The following CNTNAP4 variants were observed in gnomAD, a reference collection of about 807,000 sequenced individuals.
CNTNAP4 encodes contactin-associated protein-like 4.
CNTNAP4 carries 98 observed loss-of-function variants against 148.4 expected under a neutral mutation model. That is an observed-to-expected ratio of 0.66 (90% confidence interval 0.56 to 0.78). The LOEUF is 0.78. CNTNAP4 is among the 30% of genes least tolerant of loss of function. The pLI, the probability that CNTNAP4 is intolerant of heterozygous loss-of-function variation, is 0.00. For missense variants in CNTNAP4, 1,935 were observed against 1,565.6 expected (o/e 1.24, Z -3.98); for synonymous variants, 730 against 565.1 (o/e 1.29, Z -4.14).
chr16:76,417,100 C>G (rs2079014452), intron 3 of CNTNAP4, among the ~76,000 whole-genome samples: 1 of 151,336 alleles, frequency 6.6e-6, no homozygotes, highest in Non-Finnish European at 1.5e-5. Context: ...GTACGTTAGT[C>G]TATATTTAAT....
At chr16:76,320,807 C>A (rs374988108) in intron 2 of CNTNAP4, among the ~76,000 whole-genome samples, 2 of 152,104 alleles carry the variant, frequency 1.3e-5, no homozygotes, top group South Asian at 4.1e-4. Context: ...TTTTAATGTA[C>A]TTGGACAACC....
intron 23 of CNTNAP4, 91 bp from the exon 24 acceptor site, chr16:76,558,399 A>T (rs758955277): frequency 3.5e-5 from 24 of 689,262 alleles, no homozygotes; most frequent in Admixed American, 1.7e-4. Context: ...TAAAGTGGAA[A>T]ATAGTGTTAT....
In CNTNAP4 at chr16:76,477,324, C is replaced by G. The variant is rs143925793; in HGVS notation, c.1762+1279C>G. Among the ~76,000 whole-genome samples, 162 of 152,232 alleles carry G rather than the reference C, an allele frequency of 1.1e-3. 4 individuals carry two copies. The highest frequency in any genetic ancestry group is 9.1e-3 in the Admixed American group (139 of 15,288). On this transcript the variant is annotated intron_variant, in intron 11 of 23. Transcript: ENST00000611870. ...AAGACCAAAATGCCCATTTCCCCCCCATTTTTTCCGATTATTACTGACATT... is the reference window on the plus strand; with the variant it reads ...AAGACCAAAATGCCCATTTCCCCCCGATTTTTTCCGATTATTACTGACATT...
chr16:76,293,895 G>T (rs577779251), intron 1 of CNTNAP4, among the ~76,000 whole-genome samples: 1 of 149,704 alleles, frequency 6.7e-6, no homozygotes, highest in African/African-American at 2.5e-5. Context: ...AGTGTGGTTT[G>T]AACCGAGAAT....
chr16:76,363,968 A>G (rs1410130723), intron 3 of CNTNAP4, among the ~76,000 whole-genome samples: 1 of 152,028 alleles, frequency 6.6e-6, no homozygotes, highest in East Asian at 1.9e-4. Context: ...ACAAAAAAAT[A>G]CATATGGCCT....
intron 2 of CNTNAP4, among the ~76,000 whole-genome samples, chr16:76,345,269 T>C (rs985526812): frequency 2.0e-5 from 3 of 152,212 alleles, no homozygotes; most frequent in African/African-American, 7.2e-5. Context: ...CATTCACTTC[T>C]AGGCAGTGCT....
intron 12 of CNTNAP4, among the ~76,000 whole-genome samples, chr16:76,483,744 A>G (rs1370060188): frequency 6.6e-6 from 1 of 152,170 alleles, no homozygotes; most frequent in Non-Finnish European, 1.5e-5. Flanking sequence ...GAAACAGGAA[A>G]ACAATGTTTC....
intron 1 of CNTNAP4, among the ~76,000 whole-genome samples, chr16:76,310,439 A>C (rs1960976431): frequency 2.0e-5 from 3 of 152,172 alleles, no homozygotes; most frequent in African/African-American, 4.8e-5. Flanking sequence ...ATTGGAATAA[A>C]ATGTTTTGTT....
At chr16:76,478,206 A>G (rs564196821) in intron 11 of CNTNAP4, among the ~76,000 whole-genome samples, 4 of 152,304 alleles carry the variant, frequency 2.6e-5, no homozygotes, top group South Asian at 2.1e-4. Flanking sequence ...GTCTCATCCA[A>G]TCCTTTTCCA....
intron 2 of CNTNAP4, among the ~76,000 whole-genome samples, chr16:76,349,236 C>T (rs1306121592): frequency 6.6e-6 from 1 of 152,114 alleles, no homozygotes; most frequent in Non-Finnish European, 1.5e-5. Flanking sequence ...ATCTTATCTT[C>T]TCAGCATTAA....
At chr16:76,355,839 CTTTTA>C (rs2012542928) in intron 3 of CNTNAP4, among the ~76,000 whole-genome samples, 2 of 142,236 alleles carry the variant, frequency 1.4e-5, no homozygotes, top group African/African-American at 5.3e-5. Flanking sequence ...CTTGCATTGT[CTTTTA>C]TTTATTTATT....
At chr16:76,520,366 G>A (rs141456519) in intron 15 of CNTNAP4, among the ~76,000 whole-genome samples, 219 of 152,238 alleles carry the variant, frequency 1.4e-3, no homozygotes, top group African/African-American at 4.9e-3. Context: ...AAGATAAGTG[G>A]TATTTGGGCA....
intron 3 of CNTNAP4, among the ~76,000 whole-genome samples, chr16:76,360,375 A>T (rs1314349302): frequency 6.6e-6 from 1 of 152,224 alleles, no homozygotes; most frequent in Admixed American, 6.5e-5. Context: ...GTTTTAAGTC[A>T]AATAAGGGCC....
At chr16:76,416,162 A>G (rs942848737) in intron 3 of CNTNAP4, among the ~76,000 whole-genome samples, 1 of 150,912 alleles carries the variant, frequency 6.6e-6, no homozygotes, top group Non-Finnish European at 1.5e-5. Context: ...TTTTTCCCCC[A>G]TAGATAGCAA....
chr16:76,467,946 A>G (rs773491338), intron 10 of CNTNAP4, among the ~76,000 whole-genome samples: 1 of 152,160 alleles, frequency 6.6e-6, no homozygotes, highest in African/African-American at 2.4e-5. Flanking sequence ...ACAGCAGAAT[A>G]TTTTCCAAGG....
chr16:76,427,207 G>C (rs1269263127), intron 3 of CNTNAP4, among the ~76,000 whole-genome samples: 1 of 152,136 alleles, frequency 6.6e-6, no homozygotes, highest in Non-Finnish European at 1.5e-5. Context: ...AGGTATCGTG[G>C]TTGAAAACTA....
intron 8 of CNTNAP4, among the ~76,000 whole-genome samples, chr16:76,459,326 T>C (rs895579069): frequency 1.3e-5 from 2 of 152,240 alleles, no homozygotes; most frequent in African/African-American, 4.8e-5. Context: ...CAGCTGTCTA[T>C]TTCAGAGTCC....
At chr16:76,369,688 A>C (rs2014570396) in intron 3 of CNTNAP4, among the ~76,000 whole-genome samples, 1 of 152,184 alleles carries the variant, frequency 6.6e-6, no homozygotes, top group Non-Finnish European at 1.5e-5. Context: ...CAGAAAACAC[A>C]AAAATTAACC....
At chr16:76,537,185 A>G (rs1056255294) in intron 18 of CNTNAP4, among the ~76,000 whole-genome samples, 2 of 152,194 alleles carry the variant, frequency 1.3e-5, no homozygotes, top group African/African-American at 4.8e-5. Flanking sequence ...TCATCTTGCT[A>G]AGTGCAACCG....
Sources: gnomAD v4.1 joint callset for allele counts (sites outside exome capture counted in the v4.1 genomes callset) on GRCh38, gnomAD v4.1.1 for gene constraint, MANE v1.5 for transcripts, NCBI Gene and HGNC (gene_info 2026-07-23, HGNC 2026-07-21) for gene names.